NRXN3: variants seen among roughly 807,000 people sequenced by gnomAD.
The protein encoded by NRXN3 is neurexin III.
In NRXN3, 32 loss-of-function variants were observed where a neutral mutation model predicts 137.6. That is an observed-to-expected ratio of 0.23 (90% CI 0.18 to 0.31). The LOEUF (loss-of-function observed/expected upper bound fraction) is 0.31, where lower values mean the gene tolerates loss of function less well. Ranked by LOEUF, NRXN3 falls within the 10% of genes least tolerant of loss-of-function variation. The probability of loss-of-function intolerance (pLI) is 1.00; values close to 1 mark genes in which losing one functional copy is unlikely to be tolerated. For missense variants in NRXN3, 1,574 were observed against 2,062.5 expected (o/e 0.76, Z 4.59); for synonymous variants, 798 against 784.5 (o/e 1.02, Z -0.29).
intron 20 of NRXN3, among the ~76,000 whole-genome samples, chr14:79,857,127 A>G (rs547718202): frequency 5.3e-5 from 8 of 152,188 alleles, no homozygotes; most frequent in Non-Finnish European, 1.2e-4. Flanking sequence ...AAGTGAAGAA[A>G]ATATTATCAG....
In NRXN3 at chr14:78,966,093, C is replaced by G. The variant is rs548908740; in HGVS notation, c.2464C>G (p.Arg822Gly). 6.2e-7 allele frequency: 1 copy of G among 1,614,138 alleles called. No homozygotes were observed. The highest frequency in any genetic ancestry group is 2.2e-5 in the East Asian group (1 of 44,878). Residue 822 changes from arginine to glycine, a missense_variant, in exon 12 of 21, where the codon CGC becomes GGC. By Grantham distance (125) the Arg-to-Gly change is moderately radical (BLOSUM62 -2). Coordinates refer to ENST00000335750, the MANE Select transcript of NRXN3 (RefSeq NM_001330195.2). ...NIETGIMTEK[R>G]YISVVPSSFI... ...TGAAACGGGAATCATGACTGAGAAACGCTACATCTCCGTTGTCCCCTCCAG... is the reference window on the plus strand; with the variant it reads ...TGAAACGGGAATCATGACTGAGAAAGGCTACATCTCCGTTGTCCCCTCCAG...
At chr14:78,590,475 G>A (rs918348880) in intron 4 of NRXN3, among the ~76,000 whole-genome samples, 5 of 152,098 alleles carry the variant, frequency 3.3e-5, no homozygotes, top group African/African-American at 1.2e-4. Flanking sequence ...CATAAGCAGT[G>A]GAGGCTTGGG....
intron 4 of NRXN3, among the ~76,000 whole-genome samples, chr14:78,316,186 G>A (rs1278165065): frequency 6.6e-6 from 1 of 152,070 alleles, no homozygotes; most frequent in South Asian, 2.1e-4. Context: ...CTCACAGGTG[G>A]AGGGATTAGG....
chr14:78,321,956 G>A (rs1158872046), intron 4 of NRXN3, among the ~76,000 whole-genome samples: 3 of 151,896 alleles, frequency 2.0e-5, no homozygotes, highest in South Asian at 2.1e-4. Context: ...CATACAGGGC[G>A]GGGGCTTCCA....
At chr14:79,589,076 G>A (rs7158170) in intron 16 of NRXN3, among the ~76,000 whole-genome samples, 10,571 of 152,114 alleles carry the variant, frequency 0.069, 419 homozygotes, top group South Asian at 0.13. Context: ...GCAACATGGC[G>A]AAACCCAATC....
chr14:79,390,619 C>T (rs982689019), intron 15 of NRXN3, among the ~76,000 whole-genome samples: 3 of 152,154 alleles, frequency 2.0e-5, no homozygotes, highest in Non-Finnish European at 2.9e-5. Flanking sequence ...TATCTAAATA[C>T]TGGAATGCCA....
rs533561511 is a variant in NRXN3, at chr14:78,901,980, G to A, written c.2276-55262G>A. ...TTGAAACCTATTTGAAGGTTGTCGG[G>A]TATGCAAGGGGGCTGGAAATAGGGA... On this transcript the variant is annotated intron_variant, in intron 10 of 20. Transcript: ENST00000335750. Among the ~76,000 whole-genome samples the A allele has an allele frequency of 2.0e-5, 3 of 152,160 alleles. No individual in the cohort carries two copies. In the South Asian group the frequency reaches 6.2e-4, roughly 32 times the overall value.
At chr14:78,998,353 GT>G (rs2099534436) in intron 15 of NRXN3, among the ~76,000 whole-genome samples, 1 of 152,120 alleles carries the variant, frequency 6.6e-6, no homozygotes, top group African/African-American at 2.4e-5. Flanking sequence ...AATTCTAAGG[GT>G]TTTCTGAGGC....
chr14:79,740,035 A>T (rs1271606283), intron 19 of NRXN3, among the ~76,000 whole-genome samples: 2 of 152,126 alleles, frequency 1.3e-5, no homozygotes, highest in African/African-American at 2.4e-5. Flanking sequence ...TCACTGGATG[A>T]AACAGTTTCC....
At chr14:79,316,660 C>G (rs1281772351) in intron 15 of NRXN3, among the ~76,000 whole-genome samples, 1 of 151,974 alleles carries the variant, frequency 6.6e-6, no homozygotes, top group African/African-American at 2.4e-5. Flanking sequence ...TTTTACCATG[C>G]AGACTCCACT....
At chr14:79,515,223 C>A (rs1396618923) in intron 16 of NRXN3, among the ~76,000 whole-genome samples, 1 of 150,424 alleles carries the variant, frequency 6.6e-6, no homozygotes, top group Non-Finnish European at 1.5e-5. Flanking sequence ...GGAAAGAAAG[C>A]AGATGAGGCA....
At chr14:79,513,780 A>G (rs1248622021) in intron 16 of NRXN3, among the ~76,000 whole-genome samples, 2 of 152,212 alleles carry the variant, frequency 1.3e-5, no homozygotes, top group Non-Finnish European at 2.9e-5. Context: ...CTCTGCTGAT[A>G]ACATTCTTGC....
chr14:79,840,140 C>A (rs1047489824), intron 20 of NRXN3, among the ~76,000 whole-genome samples: 12 of 152,094 alleles, frequency 7.9e-5, no homozygotes, highest in African/African-American at 2.9e-4. Flanking sequence ...CCAGTTGGGT[C>A]TAGAAATTCA....
intron 15 of NRXN3, among the ~76,000 whole-genome samples, chr14:79,249,717 C>T (rs999727103): frequency 6.6e-6 from 1 of 152,036 alleles, no homozygotes; most frequent in African/African-American, 2.4e-5. Flanking sequence ...ATACAAGAAG[C>T]CAGAGGAAAA....
chr14:78,567,779 T>C (rs929026696), intron 4 of NRXN3, among the ~76,000 whole-genome samples: 1 of 152,050 alleles, frequency 6.6e-6, no homozygotes, highest in Non-Finnish European at 1.5e-5. Context: ...CTCATTTTAA[T>C]CTTGCCAACG....
intron 16 of NRXN3, among the ~76,000 whole-genome samples, chr14:79,593,630 C>CAAAAAAAAA (rs58254245): frequency 1.3e-5 from 1 of 74,802 alleles, no homozygotes; most frequent in Non-Finnish European, 2.7e-5. Context: ...GACTCCGTCT[C>CAAAAAAAAA]AAAAAAAAAA....
chr14:78,410,696 A>G (rs1598363064), intron 4 of NRXN3, among the ~76,000 whole-genome samples: 1 of 152,196 alleles, frequency 6.6e-6, no homozygotes, highest in African/African-American at 2.4e-5. Flanking sequence ...CAATTGATGA[A>G]AAAACCTCCT....
chr14:78,225,763 T>C (rs1299069673), intron 1 of NRXN3, among the ~76,000 whole-genome samples: 1 of 152,160 alleles, frequency 6.6e-6, no homozygotes, highest in African/African-American at 2.4e-5. Context: ...TGTCTTTACT[T>C]GTGGTTTTCC....
chr14:78,697,386 A>G (rs144531112), intron 6 of NRXN3, among the ~76,000 whole-genome samples: 1 of 152,168 alleles, frequency 6.6e-6, no homozygotes, highest in East Asian at 1.9e-4. Flanking sequence ...ATAAAAGACT[A>G]TTGAAATACT....
Sources: allele counts gnomAD v4.1 joint callset (sites outside exome capture counted in the v4.1 genomes callset), GRCh38; gene constraint gnomAD v4.1.1; transcripts MANE v1.5; gene names NCBI Gene and HGNC (gene_info 2026-07-23, HGNC 2026-07-21).